FBP1: variants seen among roughly 807,000 people sequenced by gnomAD.
FBP1 encodes the protein fructose-1,6-bisphosphatase 1.
FBP1 carries 22 observed loss-of-function variants against 29.9 expected under a neutral mutation model. The observed-to-expected ratio is 0.74, with a 90% CI of 0.53 to 1.05. The LOEUF (loss-of-function observed/expected upper bound fraction) is 1.05. Ranked by LOEUF, FBP1 falls within the 50% of genes least tolerant of loss-of-function variation. The pLI is 0.00. For missense variants in FBP1, 345 were observed against 448.2 expected (o/e 0.77, Z 2.08); for synonymous variants, 175 against 178.6 (o/e 0.98, Z 0.16).
Position 94,606,901 on chromosome 9 carries a change from CT to C in FBP1, c.618del (p.Gly207ValfsTer70). The C allele has an allele frequency of 1.2e-6, 2 of 1,614,078 alleles. No homozygotes were observed. Among genetic ancestry groups the C allele is most frequent in the Non-Finnish European group, 1.7e-6 (2 of 1,179,966 alleles). Reference sequence around the variant, plus strand: ...CCCTCGTTAAGGCTGTAGATTTTACCTTTCTTTTTTATCTTCACATCCTTGT... The same window carrying C: ...CCCTCGTTAAGGCTGTAGATTTTACCTTCTTTTTTATCTTCACATCCTTGT... ...LVDKDVKIKK[K>X]GKIYSLNEGY... On this transcript the variant is annotated frameshift_variant, in exon 5 of 7. Transcript: ENST00000375326. LOFTEE classifies it high-confidence loss of function.
In FBP1 at chr9:94,610,045, G is replaced by T. The variant is rs753167849; in HGVS notation, c.443C>A (p.Pro148His). ...GIYRKKSTDE[P>H]SEKDALQPGR... ...TGGTTGCAGAGCATCCTTCTCAGAA[G>T]GCTCATCAGTTGATTTCTAGAGCAA... The change falls in exon 4 of 7, where the codon CCT (proline) becomes CAT (histidine). Residue 148 changes from proline (P) to histidine (H), a missense_variant. Transcript: ENST00000375326. 1.2e-5 allele frequency: 20 copies of T among 1,614,034 alleles called. No individual in the cohort carries two copies. The East Asian group carries it at 1.3e-4, about 11-fold the overall frequency.
At chr9:94,605,821 G>A (rs984867561) in intron 5 of FBP1, among the ~76,000 whole-genome samples, 2 of 152,174 alleles carry the variant, frequency 1.3e-5, no homozygotes, top group Non-Finnish European at 2.9e-5. Context: ...CGAGGGTATG[G>A]TTGATTCTGG....
At chr9:94,605,715 GT>G in intron 5 of FBP1, 139 bp from the exon 6 acceptor site, 1 of 811,550 alleles carries the variant, frequency 1.2e-6, no homozygotes, top group Non-Finnish European at 2.0e-6. Context: ...GCTAAAAAAT[GT>G]GATGAGAATC....
intron 3 of FBP1, among the ~76,000 whole-genome samples, chr9:94,616,560 C>T (rs1385368856): frequency 6.6e-6 from 1 of 150,460 alleles, no homozygotes; most frequent in African/African-American, 2.5e-5. Flanking sequence ...CCTGCCTCAG[C>T]CTCCCGGGAC....
At chr9:94,606,442 A>G (rs1827701517) in intron 5 of FBP1, among the ~76,000 whole-genome samples, 1 of 152,190 alleles carries the variant, frequency 6.6e-6, no homozygotes, top group Non-Finnish European at 1.5e-5. Flanking sequence ...AAGATGTTTT[A>G]CTGCCATGAA....
chr9:94,623,637 C>T (rs768551554), intron 1 of FBP1, among the ~76,000 whole-genome samples: 9 of 152,228 alleles, frequency 5.9e-5, no homozygotes, highest in Non-Finnish European at 1.3e-4. Flanking sequence ...GCCCAAGTCC[C>T]ATCTGCTCAG....
At chr9:94,625,722 GA>G (rs1641198867) in intron 1 of FBP1, among the ~76,000 whole-genome samples, 1 of 152,256 alleles carries the variant, frequency 6.6e-6, no homozygotes, top group Admixed American at 6.5e-5. Context: ...GTGAACCCGG[GA>G]AGTGGAGCTT....
chr9:94,610,332 T>C (rs1426303076), intron 3 of FBP1, among the ~76,000 whole-genome samples: 2 of 152,302 alleles, frequency 1.3e-5, no homozygotes, highest in Non-Finnish European at 2.9e-5. Context: ...ATCTCTCCAC[T>C]ATCAGTTCCA....
chr9:94,606,973 A>C, intron 4 of FBP1, 21 bp from the exon 5 acceptor site: 1 of 1,614,000 alleles, frequency 6.2e-7, no homozygotes, highest in Non-Finnish European at 8.5e-7. Context: ...AAGGAAGGAA[A>C]GGTGGAGAGA....
chr9:94,631,026 C>G (rs1032326167), intron 1 of FBP1, among the ~76,000 whole-genome samples: 2 of 152,154 alleles, frequency 1.3e-5, no homozygotes, highest in African/African-American at 4.8e-5. Context: ...CAATAAGGAA[C>G]TGGCAAAAGA....
chr9:94,614,121 GGAA>G (rs913817750), intron 3 of FBP1, among the ~76,000 whole-genome samples: 1 of 142,900 alleles, frequency 7.0e-6, no homozygotes, highest in Non-Finnish European at 1.5e-5. Context: ...AGGAAGAAAA[GGAA>G]GAAGAAGAGG....
At chr9:94,621,845 G>A (rs899805603) in intron 1 of FBP1, among the ~76,000 whole-genome samples, 7 of 152,038 alleles carry the variant, frequency 4.6e-5, no homozygotes, top group Non-Finnish European at 5.9e-5. Context: ...CAAGCCAAGG[G>A]GTTTATGGCT....
chr9:94,620,198 A>T, intron 2 of FBP1, 131 bp downstream of exon 2: 1 of 895,328 alleles, frequency 1.1e-6, no homozygotes, highest in Non-Finnish European at 1.8e-6. Context: ...GGTGGAAGCT[A>T]TGAAAAGACC....
intron 1 of FBP1, among the ~76,000 whole-genome samples, chr9:94,625,331 C>T (rs910503136): frequency 5.9e-5 from 9 of 152,124 alleles, no homozygotes; most frequent in African/African-American, 1.9e-4. Flanking sequence ...ACACCGTTCA[C>T]GATGGTAGGC....
intron 3 of FBP1, among the ~76,000 whole-genome samples, chr9:94,616,526 C>T (rs1827865559): frequency 6.7e-6 from 1 of 148,664 alleles, no homozygotes; most frequent in South Asian, 2.1e-4. Flanking sequence ...CTGCAACCTC[C>T]ACCTCCCAGG....
rs1444087213 is a variant in FBP1 at position 94,620,314 on chromosome 9, G to A, written c.333+15C>T. The A allele has an allele frequency of 1.2e-6, 2 of 1,613,502 alleles. No homozygotes were observed. Among genetic ancestry groups the A allele is most frequent in the Non-Finnish European group, 1.7e-6 (2 of 1,179,660 alleles). The stretch of plus-strand genomic sequence containing the variant: ...GGCTACATTAAAACCCTCAATGGTG[G>A]AAGTACAGACCCACCCTTTTCTCCG... On this transcript the variant is annotated intron_variant, in intron 2 of 6. Transcript: ENST00000375326.
intron 3 of FBP1, among the ~76,000 whole-genome samples, chr9:94,612,549 A>ACTTT (rs1284753726): frequency 5.6e-5 from 6 of 108,030 alleles, no homozygotes; most frequent in African/African-American, 6.9e-5. Context: ...CCAGCCCCCA[A>ACTTT]TTTTTTTTTT....
intron 1 of FBP1, among the ~76,000 whole-genome samples, chr9:94,627,882 A>G (rs1196361239): frequency 6.6e-6 from 1 of 152,220 alleles, no homozygotes; most frequent in Admixed American, 6.5e-5. Flanking sequence ...GAACAGGTGA[A>G]ATGGCCAAGA....
intron 6 of FBP1, among the ~76,000 whole-genome samples, chr9:94,604,470 T>C (rs1666310587): frequency 7.4e-6 from 1 of 135,130 alleles, no homozygotes; most frequent in South Asian, 2.5e-4. Context: ...CTGTTGTTCC[T>C]GTTCTCCTCT....
Sources: gnomAD v4.1 joint callset for allele counts (sites outside exome capture counted in the v4.1 genomes callset) on GRCh38, gnomAD v4.1.1 for gene constraint, MANE v1.5 for transcripts, NCBI Gene and HGNC (gene_info 2026-07-23, HGNC 2026-07-21) for gene names.